The following CCDC43 variants were observed in gnomAD, a reference collection of about 807,000 sequenced individuals.
CCDC43 encodes coiled-coil domain containing 43.
CCDC43 carries 20 observed loss-of-function variants against 33.3 expected under a neutral mutation model. The ratio of observed to expected loss-of-function variants is 0.60; its 90% CI spans 0.42 to 0.87. CCDC43 has a LOEUF of 0.87. CCDC43 is among the 40% of genes least tolerant of loss of function. The pLI is 0.00. For missense variants in CCDC43, 248 were observed against 269.9 expected (o/e 0.92, Z 0.57); for synonymous variants, 104 against 106.5 (o/e 0.98, Z 0.14).
rs763703326 is a variant in CCDC43 at position 44,689,682 on chromosome 17, G to C, written c.72C>G (p.Ser24=). The change falls in exon 1 of 5, where the codon TCC becomes TCG. Residue 24 remains serine (S), a synonymous_variant. Transcript: ENST00000315286. The stretch of plus-strand genomic sequence containing the variant: ...GTGCCTCCAACCGTCCGTCCAGCCA[G>C]GAGCCAAAGCCGCCGCCTCCGCCAT... ...EGDGGGGGFG[S]WLDGRLEALG... The C allele has an allele frequency of 6.2e-7, 1 of 1,611,022 alleles. No individual in the cohort carries two copies. Among genetic ancestry groups the C allele is most frequent in the Non-Finnish European group, 8.5e-7 (1 of 1,178,840 alleles).
intron 1 of CCDC43, among the ~76,000 whole-genome samples, chr17:44,686,058 C>T (rs914484861): frequency 7.2e-5 from 11 of 152,120 alleles, no homozygotes; most frequent in African/African-American, 9.7e-5. Flanking sequence ...GGACTACAGG[C>T]GCCCGCCACC....
intron 1 of CCDC43, chr17:44,689,247 C>T: frequency 2.4e-6 from 1 of 413,356 alleles, no homozygotes; most frequent in South Asian, 2.9e-5. Flanking sequence ...GATAACATTC[C>T]CATTCTGACA....
intron 1 of CCDC43, among the ~76,000 whole-genome samples, chr17:44,684,403 T>C (rs183547549): frequency 6.6e-6 from 1 of 152,274 alleles, no homozygotes; most frequent in Non-Finnish European, 1.5e-5. Flanking sequence ...TTTTTGGTGA[T>C]GAAAACATTT....
intron 2 of CCDC43, among the ~76,000 whole-genome samples, chr17:44,683,039 T>C (rs147345364): frequency 5.9e-5 from 9 of 152,326 alleles, no homozygotes; most frequent in East Asian, 1.9e-4. Flanking sequence ...TAAGTGATTC[T>C]AATATACAGC....
At chr17:44,685,560 T>G (rs1972221655) in intron 1 of CCDC43, among the ~76,000 whole-genome samples, 1 of 152,208 alleles carries the variant, frequency 6.6e-6, no homozygotes. Flanking sequence ...AGGATTTTAC[T>G]GAGGATAAAT....
chr17:44,689,716 C>T lies in CCDC43; in HGVS notation c.38G>A (p.Gly13Asp), dbSNP rs747145048. The T allele has an allele frequency of 6.3e-6, 10 of 1,594,524 alleles. No individual in the cohort carries two copies. Among genetic ancestry groups the T allele is most frequent in the Non-Finnish European group, 8.5e-6 (10 of 1,171,378 alleles). ...APSEVAAIAP[G>D]EGDGGGGGFG... ...GCCGCCGCCTCCGCCATCGCCTTCG[C>T]CAGGGGCTATCGCGGCCACTTCGCT... Residue 13 changes from glycine to aspartate, a missense_variant, in exon 1 of 5, where the codon GGC (glycine) becomes GAC (aspartate). By Grantham distance (94) the Gly-to-Asp change is moderately conservative (BLOSUM62 -1). Coordinates refer to ENST00000315286, the MANE Select transcript of CCDC43 (RefSeq NM_144609.3).
chr17:44,677,519 A>C lies in CCDC43; in HGVS notation c.*1337T>G, dbSNP rs945968822. ...GCCACAGTTATAGGAGTGTATGAAGAGGTAACATGTCTCCTTTTCCTTAAC... is the reference window on the plus strand; with the variant it reads ...GCCACAGTTATAGGAGTGTATGAAGCGGTAACATGTCTCCTTTTCCTTAAC... On this transcript the variant is annotated 3_prime_UTR_variant, in exon 5 of 5. Coordinates refer to ENST00000315286, the MANE Select transcript of CCDC43 (RefSeq NM_144609.3). 2 of 151,848 alleles carry C rather than the reference A, an allele frequency of 1.3e-5. No individual in the cohort carries two copies. Among genetic ancestry groups the C allele is most frequent in the African/African-American group, 4.8e-5 (2 of 41,380 alleles). The allele number at this position is 151,848 out of a possible 1,614,324, so 9.4% of individuals were successfully genotyped here.
intron 1 of CCDC43, among the ~76,000 whole-genome samples, chr17:44,686,988 C>T (rs1200269505): frequency 6.6e-6 from 1 of 152,128 alleles, no homozygotes; most frequent in African/African-American, 2.4e-5. Context: ...CTAAATTCCT[C>T]ATATTAAATC....
intron 2 of CCDC43, 52 bp downstream of exon 2, chr17:44,683,820 C>T: frequency 7.9e-7 from 1 of 1,265,856 alleles, no homozygotes; most frequent in Non-Finnish European, 1.2e-6. Context: ...GCTATACAGT[C>T]AAGGCTGCTG....
At chr17:44,684,092 G>A in intron 1 of CCDC43, 133 bp from the exon 2 acceptor site, 2 of 636,294 alleles carry the variant, frequency 3.1e-6, no homozygotes, top group Non-Finnish European at 5.6e-6. Flanking sequence ...CCACAATAGA[G>A]TATGTTTCTT....
chr17:44,678,755 C>G lies in CCDC43; in HGVS notation c.*101G>C. On this transcript the variant is annotated 3_prime_UTR_variant, in exon 5 of 5. Coordinates refer to ENST00000315286, the MANE Select transcript of CCDC43 (RefSeq NM_144609.3). Reference sequence around the variant, plus strand: ...GACCATGTAAACAATAGGGGAAATGCCTTGGGAAACTACTTTGCAATGCAC... The same window carrying G: ...GACCATGTAAACAATAGGGGAAATGGCTTGGGAAACTACTTTGCAATGCAC... 1 of 1,181,534 alleles carries G rather than the reference C, an allele frequency of 8.5e-7. No homozygotes were observed. The highest frequency in any genetic ancestry group is 1.2e-6 in the Non-Finnish European group (1 of 853,450). The allele number at this position is 1,181,534 out of a possible 1,614,324, so 73.2% of individuals were successfully genotyped here. A position where few individuals can be genotyped will look rare whatever the true frequency, so the allele number is the denominator to read the frequency against.
At position 44,678,827 on chromosome 17, in the gene CCDC43, A is replaced by G; in HGVS notation, c.*29T>C. 2 of 1,598,582 alleles carry G rather than the reference A, an allele frequency of 1.3e-6. No homozygotes were observed. The highest frequency in any genetic ancestry group is 1.7e-6 in the Non-Finnish European group (2 of 1,171,578). ...AACCAGTTCTCCCTTTGATAAGTTCATGGGGGGAAAGAATAGAGTAGGCCA... is the reference window on the plus strand; with the variant it reads ...AACCAGTTCTCCCTTTGATAAGTTCGTGGGGGGAAAGAATAGAGTAGGCCA... On this transcript the variant is annotated 3_prime_UTR_variant, in exon 5 of 5. Transcript: ENST00000315286.
rs1040496221 is a variant in CCDC43, at chr17:44,682,057, T to G, written c.374A>C (p.Lys125Thr). Residue 125 changes from lysine (K) to threonine (T), a missense_variant, in exon 3 of 5, where the codon AAG becomes ACG. Coordinates refer to ENST00000315286, the MANE Select transcript of CCDC43 (RefSeq NM_144609.3). ...GGCCAGGAGGGCAGCTTTTCTCTGC[T>G]TCTCCTCTTCTGACACCATCCTTGG... ...VKPRMVSEEEKQRKAALLAQY... is the reference protein window; with the variant it reads ...VKPRMVSEEETQRKAALLAQY... 1.2e-6 allele frequency: 2 copies of G among 1,614,048 alleles called. No individual in the cohort carries two copies. Among genetic ancestry groups the G allele is most frequent in the Non-Finnish European group, 1.7e-6 (2 of 1,179,902 alleles).
chr17:44,679,917 T>C (rs535441088), intron 4 of CCDC43, among the ~76,000 whole-genome samples: 1 of 152,082 alleles, frequency 6.6e-6, no homozygotes, highest in East Asian at 1.9e-4. Context: ...AAAAAAGTGT[T>C]TGGTGTTTGT....
chr17:44,682,243 T>A, intron 2 of CCDC43, 105 bp from the exon 3 acceptor site: 1 of 1,386,370 alleles, frequency 7.2e-7, no homozygotes, highest in Non-Finnish European at 1.0e-6. Context: ...TGGCATCTGC[T>A]GCCTCCTTAG....
chr17:44,680,461 C>A, intron 4 of CCDC43, 124 bp downstream of exon 4: 1 of 696,308 alleles, frequency 1.4e-6, no homozygotes, highest in Non-Finnish European at 2.7e-6. Flanking sequence ...GAATAGGGCT[C>A]CCAATGTTAG....
chr17:44,686,380 C>A (rs540534398), intron 1 of CCDC43, among the ~76,000 whole-genome samples: 1 of 152,298 alleles, frequency 6.6e-6, no homozygotes, highest in East Asian at 1.9e-4. Flanking sequence ...TTCAATAGTT[C>A]ATGGGTTTCC....
In CCDC43 at chr17:44,680,593, G is replaced by T; in HGVS notation, c.479C>A (p.Ser160Tyr). Residue 160 changes from serine (S) to tyrosine (Y), a missense_variant, in exon 4 of 5, where the codon TCT (serine) becomes TAT (tyrosine). Transcript: ENST00000315286. ...DSGATTMNIG[S>Y]DKLLFRNTNV... ...GGGACCCAGAAGGATACGTTTGTCA[G>T]AACCAATGTTCATTGTGGTAGCACC... The T allele has an allele frequency of 6.2e-7, 1 of 1,605,758 alleles. No individual in the cohort carries two copies. The highest frequency in any genetic ancestry group is 8.5e-7 in the Non-Finnish European group (1 of 1,173,144).
At chr17:44,684,912 C>G (rs1254408212) in intron 1 of CCDC43, among the ~76,000 whole-genome samples, 1 of 151,966 alleles carries the variant, frequency 6.6e-6, no homozygotes, top group East Asian at 1.9e-4. Flanking sequence ...TCTCAAGTAG[C>G]TAGGACTGCA....
Sources: allele counts gnomAD v4.1 joint callset (sites outside exome capture counted in the v4.1 genomes callset), GRCh38; gene constraint gnomAD v4.1.1; transcripts MANE v1.5; gene names NCBI Gene and HGNC (gene_info 2026-07-23, HGNC 2026-07-21).